MUC13: variants seen among roughly 807,000 people sequenced by gnomAD.
MUC13 encodes the protein mucin 13, cell surface associated, also known as mucin-13.
In MUC13, 32 loss-of-function variants were observed where a neutral mutation model predicts 48.3. That is an observed-to-expected ratio of 0.66 (90% CI 0.50 to 0.89). The LOEUF is 0.89. Among genes scored for constraint, MUC13 ranks in the 40% least tolerant of loss-of-function variants. The pLI is 0.00. For missense variants in MUC13, 571 were observed against 622.8 expected, an observed-to-expected ratio of 0.92 and a Z score of 0.88; for synonymous variants, 199 against 224.9, an observed-to-expected ratio of 0.88 and a Z score of 1.03.
rs985051839 is a variant in MUC13, at chr3:124,910,351, T to C, written c.1337+64A>G. Reference sequence around the variant, plus strand: ...GAGTTCGAGACCAACATGGGCAACATAGTGAGACCCCCCCATCTCTCTATA... The same window carrying C: ...GAGTTCGAGACCAACATGGGCAACACAGTGAGACCCCCCCATCTCTCTATA... On this transcript the variant is annotated intron_variant, in intron 10 of 11. Coordinates refer to ENST00000616727, the MANE Select transcript of MUC13 (RefSeq NM_033049.4). The C allele has an allele frequency of 7.6e-6, 12 of 1,576,418 alleles. No homozygotes were observed. In the African/African-American group the frequency reaches 1.5e-4, roughly 20 times the overall value.
intron 4 of MUC13, 80 bp downstream of exon 4, chr3:124,922,117 C>T (rs1230366452): frequency 1.3e-6 from 2 of 1,521,550 alleles, no homozygotes; most frequent in East Asian, 2.3e-5. Flanking sequence ...CGTGAACCAC[C>T]TGAAGACCAG....
chr3:124,927,949 T>C lies in MUC13; in HGVS notation c.97A>G (p.Thr33Ala). ...GCTACTGTAGGACCACTAGTCGCAG[T>C]TTCTGTGGTTGTTACAGCATCAGCT... is the stretch of plus-strand genomic sequence containing the variant. ...NSADAVTTTE[T>A]ATSGPTVAAA... Residue 33 changes from threonine (T) to alanine (A), a missense_variant, in exon 2 of 12, where the codon ACT (threonine) becomes GCT (alanine). Transcript: ENST00000616727. The C allele has an allele frequency of 6.3e-7, 1 of 1,581,350 alleles. No individual in the cohort carries two copies. The highest frequency in any genetic ancestry group is 8.6e-7 in the Non-Finnish European group (1 of 1,163,992).
At chr3:124,911,669 C>T (rs1299991445) in intron 9 of MUC13, among the ~76,000 whole-genome samples, 1 of 152,088 alleles carries the variant, frequency 6.6e-6, no homozygotes, top group Non-Finnish European at 1.5e-5. Flanking sequence ...ATATCCCAAA[C>T]CAGTAAATAG....
intron 1 of MUC13, among the ~76,000 whole-genome samples, chr3:124,931,467 G>T (rs1935795678): frequency 6.6e-6 from 1 of 151,824 alleles, no homozygotes; most frequent in African/African-American, 2.4e-5. Flanking sequence ...AAATTTTCAG[G>T]CCAGGCGCGG....
At chr3:124,923,733 T>A (rs1404694617) in intron 2 of MUC13, 84 bp from the exon 3 acceptor site, 1 of 1,404,740 alleles carries the variant, frequency 7.1e-7, no homozygotes, top group African/African-American at 1.5e-5. Flanking sequence ...TCTTCATGCC[T>A]CCCCCCTGGG....
In MUC13 at chr3:124,932,353, G is replaced by GT. The variant is rs1317181454; in HGVS notation, c.52+2307dup. Among the ~76,000 whole-genome samples, 9 of 152,182 alleles carry GT rather than the reference G, an allele frequency of 5.9e-5. No homozygotes were observed. In the East Asian group the frequency reaches 1.8e-3, roughly 30 times the overall value. On this transcript the variant is annotated intron_variant, in intron 1 of 11. Transcript: ENST00000616727. ...GGCCAAGGCAGGTGGATCTCCTGAG[G>GT]TCAAGAGTCTGAGACCAGCCTAGCC... is the stretch of plus-strand genomic sequence containing the variant.
At chr3:124,918,681 A>G (rs1935544965) in intron 5 of MUC13, among the ~76,000 whole-genome samples, 1 of 152,240 alleles carries the variant, frequency 6.6e-6, no homozygotes. Flanking sequence ...ACAAAGTGCC[A>G]AGGCCAGGAT....
In MUC13 at chr3:124,913,576, C is replaced by T. The variant is rs753344015; in HGVS notation, c.1070G>A (p.Ser357Asn). 6 of 1,614,086 alleles carry T rather than the reference C, an allele frequency of 3.7e-6. No individual in the cohort carries two copies. The highest frequency in any genetic ancestry group is 4.2e-6 in the Non-Finnish European group (5 of 1,180,044). ...GAAACACTTACCAACGCAGAAAGGG[C>T]TCTGTGGGTTAGGCCTTTGCAGGTC... Reference protein sequence around the residue: ...KSDLQRPNPQSPFCVASSLKC... With the variant: ...KSDLQRPNPQNPFCVASSLKC... Residue 357 changes from serine to asparagine, a missense_variant, in exon 7 of 12, where the codon AGC becomes AAC. Transcript: ENST00000616727.
intron 5 of MUC13, among the ~76,000 whole-genome samples, chr3:124,919,345 A>AG (rs1160642763): frequency 6.9e-6 from 1 of 144,554 alleles, no homozygotes; most frequent in Admixed American, 7.1e-5. Flanking sequence ...CTCAAAAAAA[A>AG]AAAAAAAATG....
rs1935321231 is a variant in MUC13, at chr3:124,906,399, C to T, written c.*344G>A. ...GCAAGCAATGCTGGGGAGCTTTCCT[C>T]TAGATTGGAAATGGTTCTTGTTGCC... On this transcript the variant is annotated 3_prime_UTR_variant, in exon 12 of 12. Transcript: ENST00000616727. 6.6e-6 allele frequency: 1 copy of T among 152,356 alleles called. No homozygotes were observed. The highest frequency in any genetic ancestry group is 1.5e-5 in the Non-Finnish European group (1 of 68,048). The allele number at this position is 152,356 out of a possible 1,614,324, so 9.4% of individuals were successfully genotyped here. A position where few individuals can be genotyped will look rare whatever the true frequency, so the allele number is the denominator to read the frequency against.
At chr3:124,912,235 T>C in intron 8 of MUC13, 94 bp from the exon 9 acceptor site, 1 of 1,540,702 alleles carries the variant, frequency 6.5e-7, no homozygotes, top group South Asian at 1.2e-5. Context: ...TTCCTTTCCA[T>C]CTTCCTTTTA....
chr3:124,920,357 T>C (rs568614489), intron 4 of MUC13, 68 bp from the exon 5 acceptor site: 2 of 1,238,116 alleles, frequency 1.6e-6, no homozygotes, highest in Non-Finnish European at 2.3e-6. Flanking sequence ...ACAAATCAAA[T>C]GAGGCAGAAA....
chr3:124,907,903 C>G (rs1340982392), intron 11 of MUC13, among the ~76,000 whole-genome samples: 1 of 152,000 alleles, frequency 6.6e-6, no homozygotes, highest in African/African-American at 2.4e-5. Flanking sequence ...TTAAGCTGAC[C>G]TTTTTACAGA....
chr3:124,908,949 T>G (rs1439695928), intron 10 of MUC13, among the ~76,000 whole-genome samples: 1 of 151,884 alleles, frequency 6.6e-6, no homozygotes, highest in Non-Finnish European at 1.5e-5. Flanking sequence ...AGGCCAGGAG[T>G]TCGAGACCAG....
intron 1 of MUC13, among the ~76,000 whole-genome samples, chr3:124,931,157 G>A (rs757256103): frequency 6.6e-6 from 1 of 152,116 alleles, no homozygotes; most frequent in Non-Finnish European, 1.5e-5. Context: ...TTCAGGCCAG[G>A]AGCGGTGGCT....
intron 5 of MUC13, among the ~76,000 whole-genome samples, chr3:124,918,772 A>G (rs547780394): frequency 9.2e-5 from 14 of 152,240 alleles, no homozygotes; most frequent in African/African-American, 3.1e-4. Flanking sequence ...TGAACTGGCT[A>G]TTGTCCACTA....
intron 2 of MUC13, among the ~76,000 whole-genome samples, chr3:124,925,188 T>C (rs1348289550): frequency 6.6e-6 from 1 of 152,154 alleles, no homozygotes; most frequent in Admixed American, 6.6e-5. Flanking sequence ...ATGGAGGAAA[T>C]GCATGCTACT....
intron 5 of MUC13, 133 bp downstream of exon 5, chr3:124,920,101 G>A (rs1158362174): frequency 1.0e-5 from 8 of 795,056 alleles, no homozygotes; most frequent in Non-Finnish European, 1.7e-5. Context: ...GCAGTGCTCA[G>A]ACTGAGACTG....
intron 10 of MUC13, among the ~76,000 whole-genome samples, 162 bp from the exon 11 acceptor site, chr3:124,908,510 C>T (rs563359803): frequency 6.6e-6 from 1 of 152,230 alleles, no homozygotes; most frequent in South Asian, 2.1e-4. Flanking sequence ...ACTTATCACC[C>T]AGATTCCCTA....
Sources: allele counts gnomAD v4.1 joint callset (sites outside exome capture counted in the v4.1 genomes callset), GRCh38; gene constraint gnomAD v4.1.1; transcripts MANE v1.5; gene names NCBI Gene and HGNC (gene_info 2026-07-23, HGNC 2026-07-21).